Variants in SULT1B1 observed in about 807,000 individuals in gnomAD.
SULT1B1 encodes the protein sulfotransferase 1B1.
Under a neutral mutation model 34.6 loss-of-function variants are expected in SULT1B1, and 28 were observed. The observed-to-expected ratio is 0.81, with a 90% CI of 0.60 to 1.11. SULT1B1 has a LOEUF of 1.11. SULT1B1 is among the 50% of genes least tolerant of loss of function. SULT1B1 has a pLI of 0.00. For synonymous variants in SULT1B1, 147 were observed against 110.2 expected, an observed-to-expected ratio of 1.33 and a Z score of -2.09; for missense variants, 374 against 352.2, an observed-to-expected ratio of 1.06 and a Z score of -0.50.
intron 4 of SULT1B1, among the ~76,000 whole-genome samples, chr4:69,742,382 T>C (rs938403505): frequency 3.9e-5 from 6 of 152,238 alleles, no homozygotes; most frequent in Non-Finnish European, 5.9e-5. Context: ...GATGTCCTCA[T>C]AGAATGAGTT....
rs1311597089 is a variant in SULT1B1 at position 69,722,411 on chromosome 4, C to T, written c.*4677G>A. The T allele has an allele frequency of 6.6e-6, 1 of 152,004 alleles. No individual in the cohort carries two copies. The allele number at this position is 152,004 out of a possible 1,614,324, so 9.4% of individuals were successfully genotyped here. ...CAGAAATCCGTATATATTCAGGCCA[C>T]ATTAACTTATTATTTAATAAAGATA... On this transcript the variant is annotated 3_prime_UTR_variant, in exon 8 of 8. Coordinates refer to ENST00000310613, the MANE Select transcript of SULT1B1 (RefSeq NM_014465.4).
At chr4:69,747,663 C>G (rs1057498424) in intron 4 of SULT1B1, among the ~76,000 whole-genome samples, 1 of 152,194 alleles carries the variant, frequency 6.6e-6, no homozygotes, top group Non-Finnish European at 1.5e-5. Context: ...CTCCACACAG[C>G]GTAGAGTACT....
chr4:69,754,644 AAT>A, intron 3 of SULT1B1, 24 bp downstream of exon 3: 1 of 1,605,896 alleles, frequency 6.2e-7, no homozygotes, highest in South Asian at 1.1e-5. Flanking sequence ...ATTACAAAAT[AAT>A]AATTCCAAGT....
chr4:69,740,805 T>C (rs1847363), intron 4 of SULT1B1, among the ~76,000 whole-genome samples: 93,587 of 152,036 alleles, frequency 0.62, 28,950 homozygotes, highest in East Asian at 0.72. Flanking sequence ...ATTTAAGTTC[T>C]TTATAATTCT....
At chr4:69,748,699 C>A (rs886479317) in intron 4 of SULT1B1, among the ~76,000 whole-genome samples, 7 of 152,072 alleles carry the variant, frequency 4.6e-5, no homozygotes, top group African/African-American at 1.7e-4. Context: ...AAATCAATAA[C>A]AGAATGAAAA....
chr4:69,739,533 A>G (rs1718456482), intron 4 of SULT1B1, among the ~76,000 whole-genome samples: 1 of 152,216 alleles, frequency 6.6e-6, no homozygotes, highest in African/African-American at 2.4e-5. Flanking sequence ...TAGACTGCAC[A>G]TAGCAGGAGG....
chr4:69,740,843 G>GT (rs1718518098), intron 4 of SULT1B1, among the ~76,000 whole-genome samples: 3 of 152,102 alleles, frequency 2.0e-5, no homozygotes, highest in Admixed American at 1.3e-4. Flanking sequence ...CAGATGTATA[G>GT]TTTGTAAATA....
rs765669180 is a variant in SULT1B1 at position 69,733,524 on chromosome 4, G to C, written c.503-17C>G. ...CATAGGCCACTAAAACCAGATAAAA[G>C]TCTATTTTCATAAACATTCATCAAA... On this transcript the variant is annotated splice_polypyrimidine_tract_variant and intron_variant, in intron 5 of 7. Transcript: ENST00000310613. 10 of 1,530,988 alleles carry C rather than the reference G, an allele frequency of 6.5e-6. No homozygotes were observed. The highest frequency in any genetic ancestry group is 1.7e-4 in the Middle Eastern group (1 of 5,794). The allele number at this position is 1,530,988 out of a possible 1,614,324, so 94.8% of individuals were successfully genotyped here. A position where few individuals can be genotyped will look rare whatever the true frequency, so the allele number is the denominator to read the frequency against.
chr4:69,722,537 T>A lies in SULT1B1; in HGVS notation c.*4551A>T, dbSNP rs1040757789. 6.6e-6 allele frequency: 1 copy of A among 152,136 alleles called. No individual in the cohort carries two copies. The highest frequency in any genetic ancestry group is 1.5e-5 in the Non-Finnish European group (1 of 68,016). 9.4% of individuals were successfully genotyped at this position (152,136 alleles called of 1,614,324 possible). A position where few individuals can be genotyped will look rare whatever the true frequency, so the allele number is the denominator to read the frequency against. ...ATACCTTTAGATAGTCAAGATTAAC[T>A]CCTATAAAATATGTTTCTGTGGAAC... On this transcript the variant is annotated 3_prime_UTR_variant, in exon 8 of 8. Transcript: ENST00000310613.
At chr4:69,737,571 G>T (rs188628158) in intron 4 of SULT1B1, among the ~76,000 whole-genome samples, 59 of 152,102 alleles carry the variant, frequency 3.9e-4, no homozygotes, top group Non-Finnish European at 5.9e-4. Flanking sequence ...AAAATACGGA[G>T]ATAGTAAAGG....
intron 4 of SULT1B1, among the ~76,000 whole-genome samples, chr4:69,734,579 C>T (rs1718225006): frequency 6.6e-6 from 1 of 151,984 alleles, no homozygotes; most frequent in African/African-American, 2.4e-5. Context: ...CTAGAACACA[C>T]ATTATCAAGA....
At chr4:69,741,435 T>A (rs1051241008) in intron 4 of SULT1B1, among the ~76,000 whole-genome samples, 29 of 152,204 alleles carry the variant, frequency 1.9e-4, no homozygotes, top group Non-Finnish European at 2.2e-4. Context: ...TAATTAGTAA[T>A]TTGATAGGAA....
chr4:69,728,752 G>T (rs115275283), intron 7 of SULT1B1, among the ~76,000 whole-genome samples: 3 of 151,930 alleles, frequency 2.0e-5, no homozygotes, highest in Non-Finnish European at 4.4e-5. Flanking sequence ...TATCCTAAAT[G>T]CTTACATATA....
At chr4:69,754,270 C>A (rs1274562711) in intron 3 of SULT1B1, among the ~76,000 whole-genome samples, 1 of 151,958 alleles carries the variant, frequency 6.6e-6, no homozygotes, top group Non-Finnish European at 1.5e-5. Context: ...TACAAGCATT[C>A]CATAAATATT....
intron 4 of SULT1B1, among the ~76,000 whole-genome samples, chr4:69,739,927 C>G (rs945039625): frequency 6.6e-6 from 1 of 152,186 alleles, no homozygotes; most frequent in Non-Finnish European, 1.5e-5. Flanking sequence ...TTCCTCTTCT[C>G]CATCTAAGAC....
rs1298141593 is a variant in SULT1B1 at position 69,755,201 on chromosome 4, T to A, written c.17A>T (p.Asp6Val). 1.2e-6 allele frequency: 2 copies of A among 1,613,390 alleles called. No individual in the cohort carries two copies. Among genetic ancestry groups the A allele is most frequent in the Admixed American group, 3.3e-5 (2 of 59,988 alleles). MLSPK[D>V]ILRKDLKLVH... ...CAACTTCAGATCTTTTCGCAGAATA[T>A]CTTTTGGGGAAAGCATTTTAATACC... Residue 6 changes from aspartate (D) to valine (V), a missense_variant, in exon 2 of 8, where the codon GAT becomes GTT. Transcript: ENST00000310613.
intron 4 of SULT1B1, among the ~76,000 whole-genome samples, chr4:69,734,897 C>A (rs1718240214): frequency 6.7e-6 from 1 of 149,460 alleles, no homozygotes; most frequent in Admixed American, 6.7e-5. Flanking sequence ...CAGCTCACTG[C>A]AAGCTCCGCC....
At chr4:69,743,934 T>C (rs1718650819) in intron 4 of SULT1B1, among the ~76,000 whole-genome samples, 1 of 152,104 alleles carries the variant, frequency 6.6e-6, no homozygotes, top group Admixed American at 6.5e-5. Flanking sequence ...CATGGGTGGC[T>C]GCAGATGTTC....
chr4:69,745,751 G>C (rs1157969911), intron 4 of SULT1B1, among the ~76,000 whole-genome samples: 2 of 152,092 alleles, frequency 1.3e-5, no homozygotes, highest in Non-Finnish European at 2.9e-5. Flanking sequence ...TCCTGTAATT[G>C]TGCTGTCAGA....
Sources: gnomAD v4.1 joint callset for allele counts (sites outside exome capture counted in the v4.1 genomes callset) on GRCh38, gnomAD v4.1.1 for gene constraint, MANE v1.5 for transcripts, NCBI Gene and HGNC (gene_info 2026-07-23, HGNC 2026-07-21) for gene names.